NKX3-2: variants seen among roughly 807,000 people sequenced by gnomAD.
The protein encoded by NKX3-2 is NK3 homeobox 2, also known as homeobox protein Nkx-3.2.
In NKX3-2, 13 loss-of-function variants were observed where a neutral mutation model predicts 19.4. The ratio of observed to expected loss-of-function variants is 0.67; its 90% CI spans 0.44 to 1.07. The LOEUF (loss-of-function observed/expected upper bound fraction) is 1.07, where lower values mean the gene tolerates loss of function less well. Ranked by LOEUF, NKX3-2 falls within the 50% of genes least tolerant of loss-of-function variation. The pLI is 0.00. For synonymous variants in NKX3-2, 269 were observed against 230.5 expected, an observed-to-expected ratio of 1.17 and a Z score of -1.51; for missense variants, 562 against 488.2, an observed-to-expected ratio of 1.15 and a Z score of -1.42.
chr4:13,542,323 G>A lies in NKX3-2; in HGVS notation c.672C>T (p.Arg224=). Residue 224 remains arginine (R), a synonymous_variant, in exon 2 of 2, where the codon CGC becomes CGT. Transcript: ENST00000382438. This position sits in a 1 kb window ranked among gnomAD's most constrained non-coding sequence, Gnocchi z 6.4. Reference sequence around the variant, plus strand: ...CGGACAGGTAGCGCTGGTGGTTAAAGCGGCGCTCCAGCTCGAAGACCTGCG... The same window carrying A: ...CGGACAGGTAGCGCTGGTGGTTAAAACGGCGCTCCAGCTCGAAGACCTGCG... ...SHAQVFELER[R]FNHQRYLSGP... 6.3e-7 allele frequency: 1 copy of A among 1,589,288 alleles called. No individual in the cohort carries two copies. Among genetic ancestry groups the A allele is most frequent in the Non-Finnish European group, 8.6e-7 (1 of 1,168,984 alleles).
upstream of NKX3-2, chr4:13,546,697 T>C (rs1236357294): frequency 5.6e-6 from 2 of 355,040 alleles, no homozygotes; most frequent in African/African-American, 2.1e-5. Flanking sequence ...CAGAGATGTT[T>C]TGGGGCTGAA....
chr4:13,547,451 T>TTC (rs1300480758), upstream of NKX3-2: 1 of 311,208 alleles, frequency 3.2e-6, no homozygotes, highest in Non-Finnish European at 6.2e-6. Flanking sequence ...CGGTGAGGCT[T>TTC]TCGAGAGGCA....
At chr4:13,544,523 A>G (rs1718079702), upstream of NKX3-2, 1 of 672,014 alleles carries the variant, frequency 1.5e-6, no homozygotes, top group African/African-American at 1.9e-5. Flanking sequence ...TGGGTGTGCG[A>G]GGCCGCCGCC....
chr4:13,546,049 C>A (rs892251180), upstream of NKX3-2: 1 of 152,122 alleles, frequency 6.6e-6, no homozygotes, highest in Non-Finnish European at 1.5e-5. Flanking sequence ...GAGTTAACAC[C>A]AAATACACAA....
Position 13,541,908 on chromosome 4 carries a change from C to T in NKX3-2, c.*85G>A, listed in dbSNP as rs1717993858. ...CTCCAGGTGCCTCCTTGGCGGGGCG[C>T]CCCGTGCAGGCTACAGCCTACAGCT... On this transcript the variant is annotated 3_prime_UTR_variant, in exon 2 of 2. Coordinates refer to ENST00000382438, the MANE Select transcript of NKX3-2 (RefSeq NM_001189.4). 6.6e-7 allele frequency: 1 copy of T among 1,522,756 alleles called. No individual in the cohort carries two copies. Among genetic ancestry groups the T allele is most frequent in the Non-Finnish European group, 8.8e-7 (1 of 1,131,094 alleles). The allele number at this position is 1,522,756 out of a possible 1,614,324, so 94.3% of individuals were successfully genotyped here.
Position 13,544,185 on chromosome 4 carries a change from G to C in NKX3-2, c.230C>G (p.Thr77Ser). 6.2e-7 allele frequency: 1 copy of C among 1,603,268 alleles called. No individual in the cohort carries two copies. The highest frequency in any genetic ancestry group is 8.5e-7 in the Non-Finnish European group (1 of 1,178,926). The change falls in exon 1 of 2, where the codon ACC (threonine) becomes AGC (serine). Residue 77 changes from threonine to serine, a missense_variant. Physicochemically the swap from Thr to Ser is moderately conservative, Grantham distance 58. Transcript: ENST00000382438. ...EDSLLASPAGTRTAAGRTAES... is the reference protein window; with the variant it reads ...EDSLLASPAGSRTAAGRTAES... ...CGCAGTCCGCCCCGCAGCTGTTCTG[G>C]TACCGGCAGGAGACGCCAGCAGAGA...
At chr4:13,547,054 C>T (rs930753218), upstream of NKX3-2, 10 of 456,164 alleles carry the variant, frequency 2.2e-5, no homozygotes, top group Non-Finnish European at 4.0e-5. Context: ...TAGGCAGAGC[C>T]GGGAGTTGGG....
At position 13,542,131 on chromosome 4, in the gene NKX3-2, GT is replaced by G. The variant is rs1560164852; in HGVS notation, c.863del (p.Asp288AlafsTer66). ...KKVAVKVLVR[D>X]DQRQYLPGEV... ...CGCCGGGCAGGTATTGTCTCTGGTC[GT>G]CGCGCACCAGCACCTTTACGGCCAC... On this transcript the variant is annotated frameshift_variant, in exon 2 of 2. Transcript: ENST00000382438. LOFTEE classifies it high-confidence loss of function. The surrounding 1 kb of genome is among the most constrained non-coding windows in gnomAD (Gnocchi z 6.4). The G allele has an allele frequency of 1.2e-6, 2 of 1,611,470 alleles. No homozygotes were observed. The highest frequency in any genetic ancestry group is 8.5e-7 in the Non-Finnish European group (1 of 1,178,442).
chr4:13,541,809 G>T lies in NKX3-2; in HGVS notation c.*184C>A. On this transcript the variant is annotated 3_prime_UTR_variant, in exon 2 of 2. Transcript: ENST00000382438. Reference sequence around the variant, plus strand: ...GCCTCTGTTCAAATTAGAAAAAGGCGCCCCCTCAGGGCAGACTCAGCCCAG... The same window carrying T: ...GCCTCTGTTCAAATTAGAAAAAGGCTCCCCCTCAGGGCAGACTCAGCCCAG... 1.1e-6 allele frequency: 1 copy of T among 872,296 alleles called. No individual in the cohort carries two copies. Among genetic ancestry groups the T allele is most frequent in the Non-Finnish European group, 1.7e-6 (1 of 591,370 alleles). 54.0% of individuals were successfully genotyped at this position (872,296 alleles called of 1,614,324 possible). A position where few individuals can be genotyped will look rare whatever the true frequency, so the allele number is the denominator to read the frequency against.
upstream of NKX3-2, chr4:13,547,482 C>T (rs1358160446): frequency 7.4e-6 from 2 of 270,998 alleles, no homozygotes; most frequent in African/African-American, 4.8e-5. Context: ...TCAGCGTCCG[C>T]GCCTCTCTAC....
At chr4:13,546,939 AG>A (rs1718145062), upstream of NKX3-2, 1 of 456,128 alleles carries the variant, frequency 2.2e-6, no homozygotes, top group East Asian at 6.9e-5. Flanking sequence ...AGTGTGAGAA[AG>A]GGGCTACGTT....
Position 13,541,870 on chromosome 4 carries a change from A to C in NKX3-2, c.*123T>G, listed in dbSNP as rs528351907. 31 of 1,419,184 alleles carry C rather than the reference A, an allele frequency of 2.2e-5. No individual in the cohort carries two copies. The African/African-American group carries it at 4.4e-4, about 20-fold the overall frequency. The allele number at this position is 1,419,184 out of a possible 1,614,324, so 87.9% of individuals were successfully genotyped here. On this transcript the variant is annotated 3_prime_UTR_variant, in exon 2 of 2. Transcript: ENST00000382438. ...ACAAGTCCTGGCTAACGGGAGCTGG[A>C]GCTGGGTTTCACCTCCAGGTGCCTC...
rs1406317998 is a variant in NKX3-2 at position 13,543,062 on chromosome 4, G to T, written c.467-534C>A. On this transcript the variant is annotated intron_variant, in intron 1 of 1. Transcript: ENST00000382438. The surrounding 1 kb of genome is among the most constrained non-coding windows in gnomAD (Gnocchi z 7.1). ...CTTTCACCCTCAGCCGCCTGGGATT[G>T]CTGTGAGAGACATGGAAACAGGCTG... Among the ~76,000 whole-genome samples, 1 of 152,108 alleles carries T rather than the reference G, an allele frequency of 6.6e-6. No homozygotes were observed. Among genetic ancestry groups the T allele is most frequent in the Non-Finnish European group, 1.5e-5 (1 of 68,028 alleles).
upstream of NKX3-2, chr4:13,546,986 C>T (rs1207338312): frequency 2.2e-6 from 1 of 456,234 alleles, no homozygotes; most frequent in Admixed American, 2.3e-5. Flanking sequence ...AGGGAGTCTC[C>T]TGGTGTCATC....
At chr4:13,544,581 AT>A (rs1434302283), upstream of NKX3-2, 2 of 363,988 alleles carry the variant, frequency 5.5e-6, no homozygotes, top group African/African-American at 2.2e-5. Flanking sequence ...CCGTCCCAGG[AT>A]CAGCGCCGAC....
At position 13,542,206 on chromosome 4, in the gene NKX3-2, G is replaced by C. The variant is rs765420466; in HGVS notation, c.789C>G (p.Arg263=). The change falls in exon 2 of 2, where the codon CGC becomes CGG. Residue 263 remains arginine, a synonymous_variant. Coordinates refer to ENST00000382438, the MANE Select transcript of NKX3-2 (RefSeq NM_001189.4). The surrounding 1 kb of genome is among the most constrained non-coding windows in gnomAD (Gnocchi z 6.4). ...WFQNRRYKTK[R]RQMAADLLAS... is the part of the protein sequence containing the mutation. The stretch of plus-strand genomic sequence containing the variant: ...CCAGCAGGTCGGCTGCCATCTGCCG[G>C]CGCTTTGTCTTGTAGCGACGGTTCT... 1 of 1,610,880 alleles carries C rather than the reference G, an allele frequency of 6.2e-7. No homozygotes were observed. The highest frequency in any genetic ancestry group is 1.1e-5 in the South Asian group (1 of 90,508).
chr4:13,546,851 G>A (rs1362036539), upstream of NKX3-2: 1 of 450,134 alleles, frequency 2.2e-6, no homozygotes, highest in South Asian at 1.6e-5. Flanking sequence ...TCCTGCCACA[G>A]CCTTGGGCAG....
upstream of NKX3-2, among the ~76,000 whole-genome samples, chr4:13,545,794 T>C (rs1290117090): frequency 1.3e-5 from 2 of 152,168 alleles, no homozygotes; most frequent in Non-Finnish European, 2.9e-5. Flanking sequence ...TTGAATAAAA[T>C]TATAAATAGA....
Position 13,542,016 on chromosome 4 carries a change from C to G in NKX3-2, c.979G>C (p.Ala327Pro). The change falls in exon 2 of 2, where the codon GCA (alanine) becomes CCA (proline). Residue 327 changes from alanine (A) to proline (P), a missense_variant. Transcript: ENST00000382438. The surrounding 1 kb of genome is among the most constrained non-coding windows in gnomAD (Gnocchi z 6.4). Reference sequence around the variant, plus strand: ...GTTCACTGGGTGCCTGCGGCAGCTGCGCAGGTGGAGAGCGCCCAGCCTGGG... The same window carrying G: ...GTTCACTGGGTGCCTGCGGCAGCTGGGCAGGTGGAGAGCGCCCAGCCTGGG... ...CLPGWALSTC[A>P]AAAGTQ 1 of 1,593,524 alleles carries G rather than the reference C, an allele frequency of 6.3e-7. No homozygotes were observed. Among genetic ancestry groups the G allele is most frequent in the Non-Finnish European group, 8.5e-7 (1 of 1,170,870 alleles).
Sources: allele counts gnomAD v4.1 joint callset (sites outside exome capture counted in the v4.1 genomes callset), GRCh38; gene constraint gnomAD v4.1.1; non-coding constraint Gnocchi (gnomAD v3.1); transcripts MANE v1.5; gene names NCBI Gene and HGNC (gene_info 2026-07-23, HGNC 2026-07-21).